The following DACH2 variants were observed in gnomAD, a reference collection of about 807,000 sequenced individuals.
DACH2 encodes dachshund family transcription factor 2, also known as dachshund homolog 2.
Under a neutral mutation model 35.8 loss-of-function variants are expected in DACH2, and 17 were observed. That is an observed-to-expected ratio of 0.48 (90% CI 0.33 to 0.71). DACH2 has a LOEUF of 0.71. DACH2 is among the 30% of genes least tolerant of loss of function. DACH2 has a pLI of 0.02. For synonymous variants in DACH2, 195 were observed against 177.3 expected, an observed-to-expected ratio of 1.10 and a Z score of -0.79; for missense variants, 469 against 472.7, an observed-to-expected ratio of 0.99 and a Z score of 0.07.
chrX:86,239,079 G>T (rs960993108), intron 1 of DACH2, among the ~76,000 whole-genome samples: 4 of 111,570 alleles, frequency 3.6e-5, no homozygotes, highest in Non-Finnish European at 5.7e-5. Flanking sequence ...AAGCAGTAAG[G>T]TGACAATCCC....
chrX:86,791,007 T>C (rs2042043393), intron 7 of DACH2, among the ~76,000 whole-genome samples: 1 of 111,803 alleles, frequency 8.9e-6, no homozygotes, highest in Non-Finnish European at 1.9e-5. Flanking sequence ...AAAATGTTAT[T>C]AAGCAAATTA....
At chrX:86,512,575 A>T (rs780367377) in intron 2 of DACH2, among the ~76,000 whole-genome samples, 1 of 112,104 alleles carries the variant, frequency 8.9e-6, no homozygotes, top group African/African-American at 3.2e-5. Context: ...GAGAATGGAG[A>T]TAGCACTGAG....
At chrX:86,621,696 G>T (rs766260146) in intron 3 of DACH2, among the ~76,000 whole-genome samples, 1 of 111,527 alleles carries the variant, frequency 9.0e-6, no homozygotes, top group Non-Finnish European at 1.9e-5. Context: ...TGGCATAATA[G>T]TTCTTGCATT....
At chrX:86,800,601 C>A (rs1602965792) in intron 7 of DACH2, among the ~76,000 whole-genome samples, 1 of 112,056 alleles carries the variant, frequency 8.9e-6, no homozygotes, top group African/African-American at 3.2e-5. Flanking sequence ...CTAATAGATA[C>A]AAACTTCTTT....
intron 3 of DACH2, among the ~76,000 whole-genome samples, chrX:86,561,902 A>T (rs1241231600): frequency 1.1e-4 from 2 of 17,540 alleles, no homozygotes; most frequent in Non-Finnish European, 4.5e-4. Flanking sequence ...AAGTAGAATT[A>T]AAAAAAAAAA....
intron 2 of DACH2, among the ~76,000 whole-genome samples, chrX:86,446,655 T>C (rs1476133681): frequency 4.4e-5 from 1 of 22,735 alleles, no homozygotes; most frequent in African/African-American, 1.7e-4. Context: ...TAGTATTCCA[T>C]GGTGTATATG....
intron 4 of DACH2, among the ~76,000 whole-genome samples, chrX:86,691,218 G>A (rs2041006829): frequency 9.0e-6 from 1 of 111,581 alleles, no homozygotes; most frequent in Admixed American, 9.6e-5. Flanking sequence ...GCATACTTTA[G>A]TGTTATGGGC....
At chrX:86,719,236 A>T (rs769853042) in intron 6 of DACH2, among the ~76,000 whole-genome samples, 1 of 111,770 alleles carries the variant, frequency 8.9e-6, no homozygotes, top group Non-Finnish European at 1.9e-5. Flanking sequence ...GCTGTTGTAA[A>T]TGGGATTGTT....
chrX:86,161,757 G>C (rs754526690), intron 1 of DACH2, among the ~76,000 whole-genome samples: 1 of 112,103 alleles, frequency 8.9e-6, no homozygotes, highest in African/African-American at 3.2e-5. Context: ...ACGTACATTT[G>C]ATATAGCCAC....
At chrX:86,365,081 C>T (rs1310375440) in intron 1 of DACH2, among the ~76,000 whole-genome samples, 1 of 111,634 alleles carries the variant, frequency 9.0e-6, no homozygotes, top group African/African-American at 3.3e-5. Flanking sequence ...TAACAATCTT[C>T]ATAGGTACTT....
At chrX:86,513,957 C>T (rs189055752) in intron 2 of DACH2, among the ~76,000 whole-genome samples, 1 of 111,675 alleles carries the variant, frequency 9.0e-6, no homozygotes, top group African/African-American at 3.3e-5. Flanking sequence ...ATTAATACTT[C>T]AGATCAAGCG....
In DACH2 at chrX:86,323,810, G is replaced by A. The variant is rs368849081; in HGVS notation, c.489-53014G>A. Among the ~76,000 whole-genome samples, 14 of 111,881 alleles carry A rather than the reference G, an allele frequency of 1.3e-4. No individual in the cohort carries two copies. The South Asian group carries it at 5.3e-3, about 42-fold the overall frequency. On this transcript the variant is annotated intron_variant, in intron 1 of 11. Transcript: ENST00000373125. ...TCCTAGCACCCCGAGGGTACTGGGG[G>A]ATTGACTAAGTCCTCCCCAGCAAGC...
intron 2 of DACH2, among the ~76,000 whole-genome samples, chrX:86,465,201 A>G (rs193143079): frequency 9.0e-4 from 101 of 112,357 alleles, no homozygotes; most frequent in African/African-American, 3.2e-3. Flanking sequence ...CAAAACAAAC[A>G]AAAAAAGAAG....
intron 3 of DACH2, among the ~76,000 whole-genome samples, chrX:86,519,869 T>C (rs1354947390): frequency 1.6e-5 from 1 of 64,409 alleles, no homozygotes; most frequent in Non-Finnish European, 3.1e-5. Flanking sequence ...ATCTTTTGAA[T>C]TTTTGTTGTT....
rs148371733 is a variant in DACH2 at position 86,533,584 on chromosome X, C to T, written c.640+19193C>T. 6.9e-3 allele frequency among the ~76,000 whole-genome samples: 775 copies of T among 111,807 alleles called. 2 individuals are homozygous for T. The highest frequency in any genetic ancestry group is 0.015 in the Admixed American group (159 of 10,496). On this transcript the variant is annotated intron_variant, in intron 3 of 11. Coordinates refer to ENST00000373125, the MANE Select transcript of DACH2 (RefSeq NM_053281.3). ...GGTAAGCAAAAGCTTATTATCAAAT[C>T]GTATTATTTTTTGACATAAGTACTT... is the stretch of plus-strand genomic sequence containing the variant.
chrX:86,815,102 G>A lies in DACH2; in HGVS notation c.1684+268G>A, dbSNP rs755031528. On this transcript the variant is annotated intron_variant, in intron 10 of 11. Transcript: ENST00000373125. ...AGTCCTACTGACTTTTGCAGTAGAA[G>A]CAATAACACTGATAACCACCCTGCA... 3.6e-5 allele frequency among the ~76,000 whole-genome samples: 4 copies of A among 111,743 alleles called. No homozygotes were observed. In the East Asian group the frequency reaches 1.1e-3, roughly 32 times the overall value.
chrX:86,673,499 C>A (rs1031735569), intron 4 of DACH2, among the ~76,000 whole-genome samples: 10 of 111,148 alleles, frequency 9.0e-5, no homozygotes, highest in African/African-American at 3.0e-4. Context: ...CCTGTACCCC[C>A]ATTGTATCTT....
At chrX:86,325,597 T>G (rs1488652248) in intron 1 of DACH2, among the ~76,000 whole-genome samples, 1 of 112,352 alleles carries the variant, frequency 8.9e-6, no homozygotes, top group Non-Finnish European at 1.9e-5. Flanking sequence ...TTGTCACCAT[T>G]TGGTATTATA....
intron 1 of DACH2, among the ~76,000 whole-genome samples, chrX:86,155,738 A>T (rs1186062608): frequency 2.7e-5 from 3 of 111,108 alleles, no homozygotes; most frequent in Non-Finnish European, 5.7e-5. Context: ...CAGTTTTTAG[A>T]TGTAGATCCT....
Sources: gnomAD v4.1 joint callset for allele counts (sites outside exome capture counted in the v4.1 genomes callset) on GRCh38, gnomAD v4.1.1 for gene constraint, MANE v1.5 for transcripts, NCBI Gene and HGNC (gene_info 2026-07-23, HGNC 2026-07-21) for gene names.